Variants in SCAPER observed in about 807,000 individuals in gnomAD.
SCAPER encodes S-phase cyclin A associated protein in the ER, also known as S phase cyclin A-associated protein in the endoplasmic reticulum.
In SCAPER, 98 loss-of-function variants were observed where a neutral mutation model predicts 182.2. The ratio of observed to expected loss-of-function variants is 0.54; its 90% CI spans 0.46 to 0.64. The LOEUF is 0.64. Ranked by LOEUF, SCAPER falls within the 30% of genes least tolerant of loss-of-function variation. The pLI is 0.00. For synonymous variants in SCAPER, 605 were observed against 564.6 expected, an observed-to-expected ratio of 1.07 and a Z score of -1.01; for missense variants, 1,432 against 1,690.0, an observed-to-expected ratio of 0.85 and a Z score of 2.68.
chr15:76,536,906 A>G (rs2044217779), intron 23 of SCAPER, among the ~76,000 whole-genome samples: 2 of 151,588 alleles, frequency 1.3e-5, no homozygotes, highest in African/African-American at 4.8e-5. Context: ...AATCACAAGC[A>G]TTCTTATACA....
intron 21 of SCAPER, among the ~76,000 whole-genome samples, chr15:76,662,516 C>A (rs1345312964): frequency 6.6e-6 from 1 of 151,870 alleles, no homozygotes; most frequent in Non-Finnish European, 1.5e-5. Context: ...CTATAGAAAT[C>A]AAGAGAGTTT....
chr15:76,487,316 T>A (rs542148), intron 24 of SCAPER, among the ~76,000 whole-genome samples: 146,739 of 149,804 alleles, frequency 0.98, 71,890 homozygotes, highest in South Asian at 1. Context: ...AAATCCATGT[T>A]CCCCTGAACT....
chr15:76,565,823 G>T (rs1434419844), intron 23 of SCAPER, among the ~76,000 whole-genome samples: 1 of 152,024 alleles, frequency 6.6e-6, no homozygotes, highest in African/African-American at 2.4e-5. Flanking sequence ...GCTGAAAAAC[G>T]TCTGAAAAAC....
intron 27 of SCAPER, among the ~76,000 whole-genome samples, chr15:76,391,079 T>C (rs764344899): frequency 2.0e-4 from 31 of 152,190 alleles, no homozygotes; most frequent in Non-Finnish European, 4.0e-4. Context: ...CTTTACTTAT[T>C]GACTTCAACT....
intron 24 of SCAPER, among the ~76,000 whole-genome samples, chr15:76,477,328 C>CAAAT (rs370771261): frequency 2.7e-4 from 41 of 152,246 alleles, no homozygotes; most frequent in African/African-American, 9.4e-4. Context: ...GACTGGGAAG[C>CAAAT]AAATACTTGG....
intron 1 of SCAPER, among the ~76,000 whole-genome samples, chr15:76,901,065 T>TAA (rs1284867843): frequency 6.6e-6 from 1 of 152,048 alleles, no homozygotes; most frequent in Non-Finnish European, 1.5e-5. Context: ...TGTATTATGG[T>TAA]AAAAATGAGT....
chr15:76,534,186 A>G (rs183469402), intron 23 of SCAPER, among the ~76,000 whole-genome samples: 7 of 152,316 alleles, frequency 4.6e-5, no homozygotes, highest in Admixed American at 4.6e-4. Flanking sequence ...AATGTGATAA[A>G]CACCGTCTGT....
chr15:76,757,402 CA>C (rs1384083841), intron 14 of SCAPER, among the ~76,000 whole-genome samples: 8 of 152,004 alleles, frequency 5.3e-5, no homozygotes, highest in African/African-American at 1.9e-4. Flanking sequence ...CACGTTGTCA[CA>C]AATGTCAAAA....
chr15:76,823,630 A>C (rs1191173033), intron 5 of SCAPER, among the ~76,000 whole-genome samples: 1 of 152,076 alleles, frequency 6.6e-6, no homozygotes, highest in Non-Finnish European at 1.5e-5. Context: ...TTAGTCATAA[A>C]AGTTACATTC....
chr15:76,777,036 T>C (rs1205068087), intron 8 of SCAPER, among the ~76,000 whole-genome samples: 1 of 151,998 alleles, frequency 6.6e-6, no homozygotes, highest in African/African-American at 2.4e-5. Context: ...GTAAGACACA[T>C]CATAATTAAA....
chr15:76,793,820 C>G (rs2065152145), intron 8 of SCAPER, among the ~76,000 whole-genome samples: 1 of 152,192 alleles, frequency 6.6e-6, no homozygotes, highest in African/African-American at 2.4e-5. Flanking sequence ...GGTAAAATAA[C>G]CTGAGGCTTG....
At position 76,600,448 on chromosome 15, in the gene SCAPER, TA is replaced by T. The variant is rs2049844993; in HGVS notation, c.2711+21315del. 9.3e-5 allele frequency among the ~76,000 whole-genome samples: 3 copies of T among 32,372 alleles called. 1 individual carries two copies. Among genetic ancestry groups the T allele is most frequent in the African/African-American group, 1.7e-4 (3 of 18,016 alleles). 21.2% of individuals were successfully genotyped at this position (32,372 alleles called of 152,430 possible). A position where few individuals can be genotyped will look rare whatever the true frequency, so the allele number is the denominator to read the frequency against. ...GTGTGTGTATACATATACATATATA[TA>T]TATATTTTTTTTTTTTTGAGATGAA... On this transcript the variant is annotated intron_variant, in intron 22 of 31. Coordinates refer to ENST00000563290, the MANE Select transcript of SCAPER (RefSeq NM_020843.4).
intron 26 of SCAPER, among the ~76,000 whole-genome samples, chr15:76,432,264 A>G (rs984229743): frequency 6.6e-6 from 1 of 152,238 alleles, no homozygotes. Context: ...GAGAAAGGCC[A>G]GGGAGGCTAA....
chr15:76,567,246 T>G (rs2145246383), intron 23 of SCAPER: 17 of 410,242 alleles, frequency 4.1e-5, no homozygotes, highest in Non-Finnish European at 5.9e-5. Context: ...TTATGTTGAA[T>G]AATAGTCCAT....
chr15:76,566,880 T>C (rs936106207), intron 23 of SCAPER, among the ~76,000 whole-genome samples: 3 of 152,032 alleles, frequency 2.0e-5, no homozygotes, highest in Admixed American at 6.6e-5. Flanking sequence ...TTAGCAAACA[T>C]GTATGTACAA....
chr15:76,838,470 T>C (rs539270703), intron 5 of SCAPER, among the ~76,000 whole-genome samples: 1 of 152,302 alleles, frequency 6.6e-6, no homozygotes, highest in South Asian at 2.1e-4. Flanking sequence ...AATACCTTCA[T>C]CTATGCCTAT....
rs573553465 is a variant in SCAPER, at chr15:76,422,102, C to T, written c.3311+11976G>A. The stretch of plus-strand genomic sequence containing the variant: ...TTGGCTTAGGATTGTCTTGGCAATG[C>T]GGGCCCTTTTTTGGTTCCACATGAA... On this transcript the variant is annotated intron_variant, in intron 26 of 31. Transcript: ENST00000563290. Among the ~76,000 whole-genome samples the T allele has an allele frequency of 8.0e-4, 122 of 152,238 alleles. 1 individual carries two copies. The highest frequency in any genetic ancestry group is 2.4e-3 in the Admixed American group (36 of 15,292).
intron 23 of SCAPER, among the ~76,000 whole-genome samples, chr15:76,514,762 G>A (rs1240718870): frequency 1.3e-5 from 2 of 152,204 alleles, no homozygotes; most frequent in East Asian, 3.8e-4. Flanking sequence ...AGAACGTCCT[G>A]AAGTGAAAAT....
intron 4 of SCAPER, among the ~76,000 whole-genome samples, chr15:76,856,746 T>C (rs1253651629): frequency 6.6e-6 from 1 of 152,070 alleles, no homozygotes; most frequent in East Asian, 1.9e-4. Context: ...TGTACACTTG[T>C]GGTCCCAGCC....
Sources: gnomAD v4.1 joint callset for allele counts (sites outside exome capture counted in the v4.1 genomes callset) on GRCh38, gnomAD v4.1.1 for gene constraint, MANE v1.5 for transcripts, NCBI Gene and HGNC (gene_info 2026-07-23, HGNC 2026-07-21) for gene names.